Variants in MSRA observed in about 807,000 individuals in gnomAD.
The protein encoded by MSRA is mitochondrial peptide methionine sulfoxide reductase.
A neutral mutation model predicts 31.3 loss-of-function variants in MSRA; 54 were observed. The ratio of observed to expected loss-of-function variants is 1.73; its 90% CI spans 1.39 to 2.17. The LOEUF is 2.17. Among genes scored for constraint, MSRA ranks in the 30% most tolerant of loss-of-function variants. MSRA has a pLI of 0.00. For missense variants in MSRA, 507 were observed against 300.9 expected, an observed-to-expected ratio of 1.69 and a Z score of -5.07; for synonymous variants, 169 against 116.5, an observed-to-expected ratio of 1.45 and a Z score of -2.90.
Position 10,393,155 on chromosome 8 carries a change from T to A in MSRA, c.544-34993T>A, listed in dbSNP as rs187864244. Among the ~76,000 whole-genome samples the A allele has an allele frequency of 6.9e-4, 105 of 151,698 alleles. 2 individuals are homozygous for A. Among genetic ancestry groups the A allele is most frequent in the Non-Finnish European group, 6.2e-4 (42 of 67,910 alleles). Reference sequence around the variant, plus strand: ...CTTTGTCCACTGCTGCTCCTTGAGCTTGGGGAGATTGTGGGGAGAACAGAA... The same window carrying A: ...CTTTGTCCACTGCTGCTCCTTGAGCATGGGGAGATTGTGGGGAGAACAGAA... On this transcript the variant is annotated intron_variant, in intron 5 of 5. Coordinates refer to ENST00000317173, the MANE Select transcript of MSRA (RefSeq NM_012331.5).
intron 3 of MSRA, among the ~76,000 whole-genome samples, chr8:10,253,576 C>G (rs1798026388): frequency 6.6e-6 from 1 of 152,174 alleles, no homozygotes; most frequent in Non-Finnish European, 1.5e-5. Context: ...GTTATTCTTT[C>G]ATTGTTTTAG....
chr8:10,099,575 CTG>C (rs1477758946), intron 1 of MSRA, among the ~76,000 whole-genome samples: 1 of 152,214 alleles, frequency 6.6e-6, no homozygotes, highest in Non-Finnish European at 1.5e-5. Flanking sequence ...AAGAAATAAA[CTG>C]AGTGGCGAAC....
rs560867845 is a variant in MSRA, at chr8:10,137,422, G to A, written c.143-70411G>A. ...CTTTCTTTGAGAGCAAGCAAAGTAG[G>A]CTGCCTCAAATATACACCTGGAATC... is the stretch of plus-strand genomic sequence containing the variant. On this transcript the variant is annotated intron_variant, in intron 1 of 5. Coordinates refer to ENST00000317173, the MANE Select transcript of MSRA (RefSeq NM_012331.5). Among the ~76,000 whole-genome samples, 16 of 152,234 alleles carry A rather than the reference G, an allele frequency of 1.1e-4. 1 individual carries two copies. The South Asian group carries it at 1.9e-3, about 18-fold the overall frequency.
chr8:10,141,525 A>G (rs1802704202), intron 1 of MSRA, among the ~76,000 whole-genome samples: 3 of 152,222 alleles, frequency 2.0e-5, no homozygotes, highest in Non-Finnish European at 1.5e-5. Context: ...GGCAGAGACA[A>G]AGAAACCCAC....
At chr8:10,092,079 G>T (rs1043996308) in intron 1 of MSRA, among the ~76,000 whole-genome samples, 5 of 101,674 alleles carry the variant, frequency 4.9e-5, no homozygotes, top group Admixed American at 4.8e-4. Flanking sequence ...GAGTTAAAGG[G>T]TCTGTAGTAC....
At chr8:10,232,252 G>A (rs1425255857) in intron 2 of MSRA, among the ~76,000 whole-genome samples, 1 of 152,226 alleles carries the variant, frequency 6.6e-6, no homozygotes, top group Admixed American at 6.5e-5. Context: ...TGGGAGCCCA[G>A]CCTCCCTGTT....
intron 5 of MSRA, among the ~76,000 whole-genome samples, chr8:10,328,724 T>C (rs545853541): frequency 1.5e-4 from 23 of 152,206 alleles, no homozygotes; most frequent in Non-Finnish European, 3.2e-4. Context: ...ATATCTAAGA[T>C]GTAGCCTATA....
At chr8:10,328,853 G>T (rs560648281) in intron 5 of MSRA, among the ~76,000 whole-genome samples, 145 of 152,310 alleles carry the variant, frequency 9.5e-4, no homozygotes, top group Non-Finnish European at 9.8e-4. Flanking sequence ...CCTCATAAAG[G>T]ATGGTTTTAT....
chr8:10,087,057 T>C (rs1003644735), intron 1 of MSRA, among the ~76,000 whole-genome samples: 7 of 152,136 alleles, frequency 4.6e-5, no homozygotes, highest in African/African-American at 1.7e-4. Context: ...GACATGATTT[T>C]GGGAGATGTT....
At chr8:10,416,520 G>A (rs1414991944) in intron 5 of MSRA, among the ~76,000 whole-genome samples, 1 of 152,198 alleles carries the variant, frequency 6.6e-6, no homozygotes, top group Admixed American at 6.5e-5. Context: ...TGGTTACTGT[G>A]GCAAAGGGTG....
Position 10,428,501 on chromosome 8 carries a change from C to A in MSRA, c.*189C>A, listed in dbSNP as rs934822318. On this transcript the variant is annotated 3_prime_UTR_variant, in exon 6 of 6. Coordinates refer to ENST00000317173, the MANE Select transcript of MSRA (RefSeq NM_012331.5). ...AAGTTGATAAAATGTGACTTATCTCCTAATAAGTTATGGTGGGAGTGGAGC... is the reference window on the plus strand; with the variant it reads ...AAGTTGATAAAATGTGACTTATCTCATAATAAGTTATGGTGGGAGTGGAGC... 3.3e-6 allele frequency: 2 copies of A among 605,452 alleles called. No individual in the cohort carries two copies. The highest frequency in any genetic ancestry group is 3.9e-5 in the South Asian group (2 of 50,754). 37.5% of individuals were successfully genotyped at this position (605,452 alleles called of 1,614,324 possible). A position where few individuals can be genotyped will look rare whatever the true frequency, so the allele number is the denominator to read the frequency against.
rs1010574089 is a variant in MSRA, at chr8:10,148,058, G to A, written c.143-59775G>A. Among the ~76,000 whole-genome samples the A allele has an allele frequency of 3.3e-5, 5 of 152,340 alleles. No individual in the cohort carries two copies. The East Asian group carries it at 7.7e-4, about 24-fold the overall frequency. On this transcript the variant is annotated intron_variant, in intron 1 of 5. Transcript: ENST00000317173. ...TTGCGGGCACAGCCGTGGGGCTGAC[G>A]TGAGACCCCAGCCTGGCAAAGCGAG...
At chr8:10,132,598 T>G (rs1410814854) in intron 1 of MSRA, among the ~76,000 whole-genome samples, 1 of 152,176 alleles carries the variant, frequency 6.6e-6, no homozygotes, top group African/African-American at 2.4e-5. Flanking sequence ...GTGGTCACCT[T>G]CTTGCTGAAC....
At chr8:10,271,069 T>C (rs966574618) in intron 3 of MSRA, among the ~76,000 whole-genome samples, 1 of 151,798 alleles carries the variant, frequency 6.6e-6, no homozygotes, top group Non-Finnish European at 1.5e-5. Context: ...TTTCTTCTTT[T>C]TTTTTTTTTT....
chr8:10,160,650 C>G (rs1031295571), intron 1 of MSRA, among the ~76,000 whole-genome samples: 1 of 152,114 alleles, frequency 6.6e-6, no homozygotes, highest in African/African-American at 2.4e-5. Flanking sequence ...CTGCCTCAGC[C>G]TCCCGAGTAG....
intron 3 of MSRA, among the ~76,000 whole-genome samples, chr8:10,255,024 A>G (rs1414573220): frequency 1.3e-5 from 2 of 152,252 alleles, no homozygotes; most frequent in African/African-American, 4.8e-5. Flanking sequence ...AATTTTGCAC[A>G]GAAGTCTATT....
intron 1 of MSRA, among the ~76,000 whole-genome samples, chr8:10,094,361 C>G (rs1031645154): frequency 2.6e-5 from 4 of 152,284 alleles, no homozygotes; most frequent in African/African-American, 9.6e-5. Context: ...TTTGAGTTTT[C>G]TTAGATAAAT....
At chr8:10,364,664 A>T (rs1805053998) in intron 5 of MSRA, among the ~76,000 whole-genome samples, 1 of 152,252 alleles carries the variant, frequency 6.6e-6, no homozygotes, top group Non-Finnish European at 1.5e-5. Flanking sequence ...CTTGAAAAGC[A>T]TTGTGTATCT....
In MSRA at chr8:10,428,333, C is replaced by T. The variant is rs1809328443; in HGVS notation, c.*21C>T. ...AATAATTTCTCCCCACATGGTGGGC[C>T]TTTGAGGTTCCAGTAAAAATGCTTT... On this transcript the variant is annotated 3_prime_UTR_variant, in exon 6 of 6. Transcript: ENST00000317173. 1.2e-6 allele frequency: 2 copies of T among 1,608,588 alleles called. No individual in the cohort carries two copies. The highest frequency in any genetic ancestry group is 8.5e-7 in the Non-Finnish European group (1 of 1,178,298).
Sources: allele counts gnomAD v4.1 joint callset (sites outside exome capture counted in the v4.1 genomes callset), GRCh38; gene constraint gnomAD v4.1.1; transcripts MANE v1.5; gene names NCBI Gene and HGNC (gene_info 2026-07-23, HGNC 2026-07-21).